Variants in ZNF233 observed in about 807,000 individuals in gnomAD.
The protein encoded by ZNF233 is zinc finger protein 233.
In ZNF233, 7 loss-of-function variants were observed where a neutral mutation model predicts 11.6. The ratio of observed to expected loss-of-function variants is 0.60; its 90% CI spans 0.34 to 1.13. The LOEUF (loss-of-function observed/expected upper bound fraction) is 1.13. ZNF233 is among the 50% of genes most tolerant of loss of function. ZNF233 has a pLI of 0.03. For missense variants in ZNF233, 711 were observed against 785.5 expected (o/e 0.91, Z 1.13); for synonymous variants, 226 against 268.5 (o/e 0.84, Z 1.55).
At chr19:44,272,800 A>C in intron 4 of ZNF233, 99 bp from the exon 5 acceptor site, 1 of 829,724 alleles carries the variant, frequency 1.2e-6, no homozygotes, top group Non-Finnish European at 1.9e-6. Flanking sequence ...TGGTTTATTA[A>C]GGTTTCCCAA....
chr19:44,274,136 T>G lies in ZNF233; in HGVS notation c.1476T>G (p.Asn492Lys). Residue 492 changes from asparagine (N) to lysine (K), a missense_variant, in exon 5 of 5, where the codon AAT becomes AAG. Asn to Lys is a moderately conservative substitution (Grantham distance 94, BLOSUM62 0). Coordinates refer to ENST00000683810, the MANE Select transcript of ZNF233 (RefSeq NM_001207005.2). ...TGTGTGATAAGAACTTCAGCCGTAA[T>G]TCCCACCTTCAGGCCCATCAGAGAG... The part of the protein sequence containing the change: ...CDVCDKNFSR[N>K]SHLQAHQRVH... The G allele has an allele frequency of 6.2e-7, 1 of 1,613,406 alleles. No homozygotes were observed. The highest frequency in any genetic ancestry group is 1.1e-5 in the South Asian group (1 of 91,044).
chr19:44,267,730 G>A (rs1398457122), intron 4 of ZNF233: 1 of 254,124 alleles, frequency 3.9e-6, no homozygotes, highest in Non-Finnish European at 7.3e-6. Context: ...TGTCTGCCTG[G>A]GATGTTCTTA....
At chr19:44,263,350 A>G (rs1362472592) in intron 1 of ZNF233, among the ~76,000 whole-genome samples, 1 of 152,214 alleles carries the variant, frequency 6.6e-6, no homozygotes, top group Non-Finnish European at 1.5e-5. Context: ...GCCCCTGGCA[A>G]CTATTACTTT....
At position 44,273,399 on chromosome 19, in the gene ZNF233, T is replaced by C. The variant is rs16978899; in HGVS notation, c.739T>C (p.Ser247Pro). 7,535 of 1,614,172 alleles carry C rather than the reference T, an allele frequency of 4.7e-3. 302 individuals are homozygous for C. The African/African-American group carries it at 0.085, about 18-fold the overall frequency. ...TTGTGGAAAAGACTGTGTGAAGGAA[T>C]CATCCCAGCATAGCATAATCCAATC... is the stretch of plus-strand genomic sequence containing the variant. ...NNCGKDCVKE[S>P]SQHSIIQSGE... is the part of the protein sequence containing the mutation. The change falls in exon 5 of 5, where the codon TCA becomes CCA. Residue 247 changes from serine to proline, a missense_variant. Coordinates refer to ENST00000683810, the MANE Select transcript of ZNF233 (RefSeq NM_001207005.2).
intron 1 of ZNF233, 68 bp from the exon 2 acceptor site, chr19:44,264,246 T>A: frequency 9.2e-7 from 1 of 1,091,386 alleles, no homozygotes; most frequent in Non-Finnish European, 1.4e-6. Context: ...GGCCACCTTT[T>A]AAAAATTCAG....
chr19:44,274,370 G>A lies in ZNF233; in HGVS notation c.1710G>A (p.Gly570=), dbSNP rs755748564. 6.2e-6 allele frequency: 10 copies of A among 1,612,752 alleles called. No homozygotes were observed. The Admixed American group carries it at 1.5e-4, about 24-fold the overall frequency. The change falls in exon 5 of 5, where the codon GGG becomes GGA. Residue 570 remains glycine (G), a synonymous_variant. Coordinates refer to ENST00000683810, the MANE Select transcript of ZNF233 (RefSeq NM_001207005.2). ...ATCCCTACAAATGTGATGTGTGTGG[G>A]AAAGGCTTCAGTTGGAGTTCACATC... ...GENPYKCDVC[G]KGFSWSSHLQ... is the part of the protein sequence containing the mutation.
chr19:44,269,029 ATCT>A (rs1188296082), intron 4 of ZNF233, among the ~76,000 whole-genome samples: 2 of 152,064 alleles, frequency 1.3e-5, no homozygotes, highest in Non-Finnish European at 2.9e-5. Flanking sequence ...AATCTTTCCA[ATCT>A]TCTTATCTTT....
Position 44,274,414 on chromosome 19 carries a change from T to G in ZNF233, c.1754T>G (p.Val585Gly), listed in dbSNP as rs1975337053. ...WSSHLQAHQR[V>G]HTGEKPYKCE... ...TCACATCTTCAAGCCCATCAGAGAG[T>G]CCACACAGGAGAGAAACCATACAAA... The change falls in exon 5 of 5, where the codon GTC becomes GGC. Residue 585 changes from valine to glycine, a missense_variant. Transcript: ENST00000683810. 1 of 1,613,900 alleles carries G rather than the reference T, an allele frequency of 6.2e-7. No individual in the cohort carries two copies. The highest frequency in any genetic ancestry group is 1.3e-5 in the African/African-American group (1 of 74,868).
In ZNF233 at chr19:44,273,454, A is replaced by G. The variant is rs1195228968; in HGVS notation, c.794A>G (p.Lys265Arg). The change falls in exon 5 of 5, where the codon AAA becomes AGA. Residue 265 changes from lysine (K) to arginine (R), a missense_variant. Lys to Arg is a conservative substitution (Grantham distance 26). Coordinates refer to ENST00000683810, the MANE Select transcript of ZNF233 (RefSeq NM_001207005.2). ...SGEQTSDENG[K>R]GLSVGSNLEL... ...GAGCAAACCTCTGATGAAAATGGAA[A>G]AGGCTTAAGTGTTGGCTCTAATCTT... The G allele has an allele frequency of 6.2e-7, 1 of 1,614,248 alleles. No individual in the cohort carries two copies. The highest frequency in any genetic ancestry group is 1.1e-5 in the South Asian group (1 of 91,090).
intron 2 of ZNF233, 55 bp from the exon 3 acceptor site, chr19:44,266,143 C>T (rs1169590903): frequency 6.4e-6 from 10 of 1,554,142 alleles, no homozygotes; most frequent in Non-Finnish European, 8.7e-6. Flanking sequence ...AGTGCTGCCT[C>T]TCTCCCAGCA....
In ZNF233 at chr19:44,273,934, C is replaced by T; in HGVS notation, c.1274C>T (p.Thr425Ile). 1 of 1,614,028 alleles carries T rather than the reference C, an allele frequency of 6.2e-7. No individual in the cohort carries two copies. Among genetic ancestry groups the T allele is most frequent in the Non-Finnish European group, 8.5e-7 (1 of 1,179,952 alleles). ...CAGAGAGGTCACTCTAGAGACAAGACATACAAATGGGAAGTAAGTGACAGG... is the reference window on the plus strand; with the variant it reads ...CAGAGAGGTCACTCTAGAGACAAGATATACAAATGGGAAGTAAGTGACAGG... ...AHQRGHSRDK[T>I]YKWEVSDRIF... The change falls in exon 5 of 5, where the codon ACA (threonine) becomes ATA (isoleucine). Residue 425 changes from threonine to isoleucine, a missense_variant. Physicochemically the swap from Thr to Ile is moderately conservative, Grantham distance 89. Transcript: ENST00000683810.
intron 4 of ZNF233, among the ~76,000 whole-genome samples, chr19:44,270,854 C>T (rs1205922306): frequency 1.3e-5 from 2 of 152,132 alleles, no homozygotes; most frequent in African/African-American, 4.8e-5. Context: ...AAGATAGAAG[C>T]CACAGTGTTT....
At chr19:44,260,589 T>C (rs757815505) in intron 1 of ZNF233, among the ~76,000 whole-genome samples, 1 of 152,202 alleles carries the variant, frequency 6.6e-6, no homozygotes, top group Non-Finnish European at 1.5e-5. Flanking sequence ...CTCACCTCCA[T>C]GTGGTGCCTG....
chr19:44,262,130 CTG>C (rs1439131129), intron 1 of ZNF233, among the ~76,000 whole-genome samples: 1 of 152,212 alleles, frequency 6.6e-6, no homozygotes, highest in Non-Finnish European at 1.5e-5. Context: ...CCTTGTCTGA[CTG>C]TGTGTCATTC....
intron 2 of ZNF233, 70 bp from the exon 3 acceptor site, chr19:44,266,128 T>C: frequency 1.4e-6 from 2 of 1,463,812 alleles, no homozygotes; most frequent in Non-Finnish European, 1.8e-6. Context: ...TCTTTCTACC[T>C]GCTCAGTGCT....
chr19:44,274,906 A>G lies in ZNF233; in HGVS notation c.*233A>G, dbSNP rs1269389262. On this transcript the variant is annotated 3_prime_UTR_variant, in exon 5 of 5. Coordinates refer to ENST00000683810, the MANE Select transcript of ZNF233 (RefSeq NM_001207005.2). The stretch of plus-strand genomic sequence containing the variant: ...AAAATGTCACAGTTGTCAAGAGAAC[A>G]CACAACAGAGAAACCCTATAAAGAA... 2.1e-6 allele frequency: 1 copy of G among 478,640 alleles called. No homozygotes were observed. The highest frequency in any genetic ancestry group is 1.9e-5 in the African/African-American group (1 of 51,590). The allele number at this position is 478,640 out of a possible 1,614,324, so 29.6% of individuals were successfully genotyped here. A position where few individuals can be genotyped will look rare whatever the true frequency, so the allele number is the denominator to read the frequency against.
At chr19:44,272,596 A>G (rs1975265992) in intron 4 of ZNF233, among the ~76,000 whole-genome samples, 2 of 151,574 alleles carry the variant, frequency 1.3e-5, no homozygotes, top group East Asian at 4.0e-4. Flanking sequence ...TGAGCTGGGC[A>G]TGGTGGCAGG....
chr19:44,270,933 T>A (rs1975221687), intron 4 of ZNF233, among the ~76,000 whole-genome samples: 1 of 152,174 alleles, frequency 6.6e-6, no homozygotes, highest in South Asian at 2.1e-4. Flanking sequence ...CAGACCAAAC[T>A]TGATACAGTG....
At chr19:44,267,110 C>T (rs1018346159) in intron 4 of ZNF233, 149 bp downstream of exon 4, 3 of 555,240 alleles carry the variant, frequency 5.4e-6, no homozygotes, top group Admixed American at 6.2e-5. Context: ...CTCCTTCTAC[C>T]TCCCTCCAGT....
Sources: gnomAD v4.1 joint callset for allele counts (sites outside exome capture counted in the v4.1 genomes callset) on GRCh38, gnomAD v4.1.1 for gene constraint, MANE v1.5 for transcripts, NCBI Gene and HGNC (gene_info 2026-07-23, HGNC 2026-07-21) for gene names.